Variants in CARD14 observed in about 807,000 individuals in gnomAD.
CARD14 encodes caspase recruitment domain-containing protein 14.
In CARD14, 107 loss-of-function variants were observed where a neutral mutation model predicts 111.5. The ratio of observed to expected loss-of-function variants is 0.96; its 90% CI spans 0.82 to 1.13. CARD14 has a LOEUF of 1.13. Among genes scored for constraint, CARD14 ranks in the 50% most tolerant of loss-of-function variants. CARD14 has a pLI of 0.00. For missense variants in CARD14, 1,322 were observed against 1,362.3 expected, an observed-to-expected ratio of 0.97 and a Z score of 0.47; for synonymous variants, 617 against 579.6, an observed-to-expected ratio of 1.06 and a Z score of -0.93.
Position 80,201,806 on chromosome 17 carries a change from G to C in CARD14, c.1914G>C (p.Glu638Asp). Residue 638 changes from glutamate to aspartate, a missense_variant, in exon 17 of 24, where the codon GAG becomes GAC. Physicochemically the swap from Glu to Asp is conservative, Grantham distance 45 (BLOSUM62 2). Coordinates refer to ENST00000648509, the MANE Select transcript of CARD14 (RefSeq NM_001366385.1). The surrounding 1 kb of genome is among the most constrained non-coding windows in gnomAD (Gnocchi z 5.0). ...TCCTGGAGGACACGACCCTGGAGGA[G>C]GCCGTGGGGCTTCTCAGGAGGGTGG... ...KAVLEDTTLE[E>D]AVGLLRRVDG... 6.2e-7 allele frequency: 1 copy of C among 1,614,092 alleles called. No individual in the cohort carries two copies. Among genetic ancestry groups the C allele is most frequent in the South Asian group, 1.1e-5 (1 of 91,084 alleles).
intron 2 of CARD14, among the ~76,000 whole-genome samples, chr17:80,177,374 GCAC>G (rs2040051919): frequency 6.6e-6 from 1 of 152,010 alleles, no homozygotes; most frequent in South Asian, 2.1e-4. Context: ...CTACAGGTGT[GCAC>G]CACAACACCT....
At position 80,198,993 on chromosome 17, in the gene CARD14, G is replaced by C; in HGVS notation, c.1851+402G>C. On this transcript the variant is annotated intron_variant, in intron 16 of 23. Coordinates refer to ENST00000648509, the MANE Select transcript of CARD14 (RefSeq NM_001366385.1). This position sits in a 1 kb window ranked among gnomAD's most constrained non-coding sequence, Gnocchi z 7.5. Reference sequence around the variant, plus strand: ...AAACAGGGTCTCACTCTGTCACCCAGGCTAGAGTGCTGCGGTGCGATCACA... The same window carrying C: ...AAACAGGGTCTCACTCTGTCACCCACGCTAGAGTGCTGCGGTGCGATCACA... 1.1e-6 allele frequency: 1 copy of C among 920,992 alleles called. No individual in the cohort carries two copies. Among genetic ancestry groups the C allele is most frequent in the Non-Finnish European group, 1.3e-6 (1 of 752,310 alleles). The allele number at this position is 920,992 out of a possible 1,614,324, so 57.1% of individuals were successfully genotyped here. A position where few individuals can be genotyped will look rare whatever the true frequency, so the allele number is the denominator to read the frequency against.
Position 80,203,504 on chromosome 17 carries a change from C to G in CARD14, c.2220-318C>G, listed in dbSNP as rs971956057. On this transcript the variant is annotated intron_variant, in intron 18 of 23. Coordinates refer to ENST00000648509, the MANE Select transcript of CARD14 (RefSeq NM_001366385.1). The surrounding 1 kb of genome is among the most constrained non-coding windows in gnomAD (Gnocchi z 4.6). Reference sequence around the variant, plus strand: ...TGACTCCAGGCTGCAGGCCAGGGACCCACCATGAATATTGAGGTCCTGGAG... The same window carrying G: ...TGACTCCAGGCTGCAGGCCAGGGACGCACCATGAATATTGAGGTCCTGGAG... The G allele has an allele frequency of 9.8e-5, 30 of 306,636 alleles. No individual in the cohort carries two copies. The highest frequency in any genetic ancestry group is 6.3e-4 in the African/African-American group (29 of 46,104). The allele number at this position is 306,636 out of a possible 1,614,324, so 19.0% of individuals were successfully genotyped here.
chr17:80,208,178 C>T lies in CARD14; in HGVS notation c.2848C>T (p.Leu950=), dbSNP rs1436825386. The T allele has an allele frequency of 3.9e-6, 6 of 1,549,972 alleles. No individual in the cohort carries two copies. Among genetic ancestry groups the T allele is most frequent in the African/African-American group, 1.4e-5 (1 of 73,248 alleles). ...QRLGTSEEQL[L]EAARQEEGDL... ...GTTGGGCACCTCAGAGGAGCAGCTC[C>T]TGGAGGCTGCGAGGCAGGAGGAGGG... The change falls in exon 24 of 24, where the codon CTG becomes TTG. Residue 950 remains leucine (L), a synonymous_variant. Coordinates refer to ENST00000648509, the MANE Select transcript of CARD14 (RefSeq NM_001366385.1).
chr17:80,208,633 G>A lies in CARD14; in HGVS notation c.*288G>A, dbSNP rs7211773. ...GTTTCTGCAGTGGGACAGGAGGGAC[G>A]TCTTCCCATGCCTTCCCTAGAACCG... On this transcript the variant is annotated 3_prime_UTR_variant, in exon 24 of 24. Coordinates refer to ENST00000648509, the MANE Select transcript of CARD14 (RefSeq NM_001366385.1). 0.53 allele frequency: 191,652 copies of A among 361,914 alleles called. 53,045 individuals carry two copies. The highest frequency in any genetic ancestry group is 0.64 in the East Asian group (14,462 of 22,550). 22.4% of individuals were successfully genotyped at this position (361,914 alleles called of 1,614,324 possible).
chr17:80,190,686 C>A (rs923907820), intron 9 of CARD14, 88 bp from the exon 10 acceptor site: 6 of 1,494,784 alleles, frequency 4.0e-6, no homozygotes, highest in Non-Finnish European at 5.5e-6. Context: ...TGTCTCCCTC[C>A]CTCCACCCCT....
intron 22 of CARD14, among the ~76,000 whole-genome samples, chr17:80,206,536 C>T (rs1366498712): frequency 2.0e-5 from 3 of 152,206 alleles, no homozygotes; most frequent in Middle Eastern, 3.4e-3. Context: ...GAGGCCGAGG[C>T]GGGCAGATCA....
intron 12 of CARD14, among the ~76,000 whole-genome samples, chr17:80,194,241 G>A (rs1344843561): frequency 6.6e-6 from 1 of 152,020 alleles, no homozygotes; most frequent in Non-Finnish European, 1.5e-5. Context: ...GTCGCCCACA[G>A]CCCTGGAATG....
chr17:80,201,844 G>A lies in CARD14; in HGVS notation c.1952G>A (p.Cys651Tyr). ...GLLRRVDGFC[C>Y]LSVKVNTDGY... ...CTCAGGAGGGTGGACGGCTTCTGCTGCCTGTCTGTGAAGGTCAACACGGAC... is the reference window on the plus strand; with the variant it reads ...CTCAGGAGGGTGGACGGCTTCTGCTACCTGTCTGTGAAGGTCAACACGGAC... Residue 651 changes from cysteine (C) to tyrosine (Y), a missense_variant, in exon 17 of 24, where the codon TGC becomes TAC. By Grantham distance (194) the Cys-to-Tyr change is radical (BLOSUM62 -2). Coordinates refer to ENST00000648509, the MANE Select transcript of CARD14 (RefSeq NM_001366385.1). This position sits in a 1 kb window ranked among gnomAD's most constrained non-coding sequence, Gnocchi z 5.0. 1.9e-6 allele frequency: 3 copies of A among 1,613,874 alleles called. No individual in the cohort carries two copies. Among genetic ancestry groups the A allele is most frequent in the Non-Finnish European group, 2.5e-6 (3 of 1,179,892 alleles).
At position 80,208,955 on chromosome 17, in the gene CARD14, GCGT is replaced by G. The variant is rs2144654504; in HGVS notation, c.*611_*613del. 6.6e-6 allele frequency: 1 copy of G among 152,410 alleles called. No homozygotes were observed. The highest frequency in any genetic ancestry group is 2.1e-4 in the South Asian group (1 of 4,828). 9.4% of individuals were successfully genotyped at this position (152,410 alleles called of 1,614,324 possible). On this transcript the variant is annotated 3_prime_UTR_variant, in exon 24 of 24. Transcript: ENST00000648509. Reference sequence around the variant, plus strand: ...GTGTTTACTTGTAAATAAAGCCTCTGCGTGGTGGAGACGGTACTTTCAGTGGGT... The same window carrying G: ...GTGTTTACTTGTAAATAAAGCCTCTGGGTGGAGACGGTACTTTCAGTGGGT...
In CARD14 at chr17:80,201,665, G is replaced by A. The variant is rs1401808528; in HGVS notation, c.1852-79G>A. The A allele has an allele frequency of 2.6e-6, 4 of 1,530,248 alleles. No homozygotes were observed. The highest frequency in any genetic ancestry group is 3.6e-6 in the Non-Finnish European group (4 of 1,106,660). 94.8% of individuals were successfully genotyped at this position (1,530,248 alleles called of 1,614,324 possible). ...CAGGGCTGGCCCGCGCCTCGCCTCA[G>A]TGCCCTCAGCGCCTTCTGTCTTCTG... On this transcript the variant is annotated intron_variant, in intron 16 of 23. Coordinates refer to ENST00000648509, the MANE Select transcript of CARD14 (RefSeq NM_001366385.1). This position sits in a 1 kb window ranked among gnomAD's most constrained non-coding sequence, Gnocchi z 5.0.
chr17:80,182,490 G>A lies in CARD14; in HGVS notation c.212-163G>A, dbSNP rs186576975. On this transcript the variant is annotated intron_variant, in intron 5 of 23. Transcript: ENST00000648509. This position sits in a 1 kb window ranked among gnomAD's most constrained non-coding sequence, Gnocchi z 4.7. ...GGGAGCCTGTGAGAGCAGTGAGGGC[G>A]CGTCCCACCCAGCAGAACCCAGAAA... Among the ~76,000 whole-genome samples, 664 of 152,284 alleles carry A rather than the reference G, an allele frequency of 4.4e-3. 6 individuals are homozygous for A. The highest frequency in any genetic ancestry group is 0.015 in the African/African-American group (618 of 41,546).
intron 9 of CARD14, among the ~76,000 whole-genome samples, 162 bp from the exon 10 acceptor site, chr17:80,190,612 C>CA (rs368094768): frequency 0.011 from 1,477 of 134,480 alleles, 14 homozygotes; most frequent in South Asian, 0.042. Flanking sequence ...GTCTCTGTCT[C>CA]AAAAAAAAAA....
rs1454317901 is a variant in CARD14 at position 80,195,364 on chromosome 17, G to A, written c.1499+31G>A. The A allele has an allele frequency of 1.9e-6, 3 of 1,590,476 alleles. No homozygotes were observed. Among genetic ancestry groups the A allele is most frequent in the Non-Finnish European group, 2.6e-6 (3 of 1,164,382 alleles). On this transcript the variant is annotated intron_variant, in intron 13 of 23. Coordinates refer to ENST00000648509, the MANE Select transcript of CARD14 (RefSeq NM_001366385.1). This position sits in a 1 kb window ranked among gnomAD's most constrained non-coding sequence, Gnocchi z 4.7. ...GCACTGGGGTCCTTCCTGGCACTGG[G>A]GTGGCACTGGGGTCCTTCCTGGCAA...
chr17:80,208,594 G>C lies in CARD14; in HGVS notation c.*249G>C. 2.3e-6 allele frequency: 1 copy of C among 431,352 alleles called. No homozygotes were observed. The highest frequency in any genetic ancestry group is 4.1e-6 in the Non-Finnish European group (1 of 244,578). The allele number at this position is 431,352 out of a possible 1,614,324, so 26.7% of individuals were successfully genotyped here. A position where few individuals can be genotyped will look rare whatever the true frequency, so the allele number is the denominator to read the frequency against. The stretch of plus-strand genomic sequence containing the variant: ...ACCAGGCTTGGCATGGTCTGAACTG[G>C]AAACCCTGAGAATGTTTCTGCAGTG... On this transcript the variant is annotated 3_prime_UTR_variant, in exon 24 of 24. Transcript: ENST00000648509.
At chr17:80,191,495 A>C (rs1268013608) in intron 11 of CARD14, 23 bp downstream of exon 11, 5 of 1,602,172 alleles carry the variant, frequency 3.1e-6, no homozygotes, top group African/African-American at 1.3e-5. Flanking sequence ...GGCTGACCCG[A>C]GCTGGAGGCC....
At chr17:80,206,544 T>A (rs1052679896) in intron 22 of CARD14, among the ~76,000 whole-genome samples, 1 of 152,192 alleles carries the variant, frequency 6.6e-6, no homozygotes, top group African/African-American at 2.4e-5. Flanking sequence ...GGCGGGCAGA[T>A]CACCTGAGGT....
At chr17:80,175,246 G>A (rs2039999142) in intron 2 of CARD14, among the ~76,000 whole-genome samples, 1 of 152,158 alleles carries the variant, frequency 6.6e-6, no homozygotes, top group South Asian at 2.1e-4. Context: ...CCAAAGTTCT[G>A]GGATTGCAGG....
rs756582370 is a variant in CARD14, at chr17:80,205,487, C to T, written c.2570-44C>T. 8.9e-6 allele frequency: 14 copies of T among 1,566,094 alleles called. No homozygotes were observed. The African/African-American group carries it at 1.2e-4, about 14-fold the overall frequency. On this transcript the variant is annotated intron_variant, in intron 21 of 23. Coordinates refer to ENST00000648509, the MANE Select transcript of CARD14 (RefSeq NM_001366385.1). ...TTTACCATGGGACTCCCCCAGACCC[C>T]CACACAGCTGGTCTATGATGGCCCC...
Sources: allele counts gnomAD v4.1 joint callset (sites outside exome capture counted in the v4.1 genomes callset), GRCh38; gene constraint gnomAD v4.1.1; non-coding constraint Gnocchi (gnomAD v3.1); transcripts MANE v1.5; gene names NCBI Gene and HGNC (gene_info 2026-07-23, HGNC 2026-07-21).